ZNF845: variants seen among roughly 807,000 people sequenced by gnomAD.
ZNF845 encodes zinc finger protein 845.
A neutral mutation model predicts 76.1 loss-of-function variants in ZNF845; 59 were observed. The observed-to-expected ratio is 0.78, with a 90% CI of 0.63 to 0.96. ZNF845 has a LOEUF of 0.96. Ranked by LOEUF, ZNF845 falls within the 40% of genes least tolerant of loss-of-function variation. The probability of loss-of-function intolerance (pLI) is 0.00; values close to 1 mark genes in which losing one functional copy is unlikely to be tolerated. For missense variants in ZNF845, 1,045 were observed against 1,172.8 expected (o/e 0.89, Z 1.59); for synonymous variants, 361 against 386.9 (o/e 0.93, Z 0.78).
At chr19:53,335,931 G>A (rs941665582) in intron 1 of ZNF845, among the ~76,000 whole-genome samples, 3 of 151,994 alleles carry the variant, frequency 2.0e-5, no homozygotes, top group Admixed American at 1.3e-4. Context: ...ACATCAGGGC[G>A]TAGTGGCTCA....
intron 2 of ZNF845, among the ~76,000 whole-genome samples, chr19:53,344,610 T>TTATGTTATG (rs1568736743): frequency 7.7e-6 from 1 of 129,582 alleles, no homozygotes; most frequent in Admixed American, 9.2e-5. Context: ...TTTTATTTAT[T>TTATGTTATG]TTATTTTATT....
chr19:53,341,688 A>G (rs1056218363), intron 2 of ZNF845, among the ~76,000 whole-genome samples: 3 of 152,204 alleles, frequency 2.0e-5, no homozygotes, highest in African/African-American at 7.2e-5. Flanking sequence ...AATGGAAGTC[A>G]TGTATTCATG....
chr19:53,341,150 G>A lies in ZNF845; in HGVS notation c.-73-85G>A, dbSNP rs1445963375. 10 of 1,219,968 alleles carry A rather than the reference G, an allele frequency of 8.2e-6. No homozygotes were observed. In the East Asian group the frequency reaches 2.5e-4, roughly 30 times the overall value. The allele number at this position is 1,219,968 out of a possible 1,614,324, so 75.6% of individuals were successfully genotyped here. ...GCAGAGGGGACCATATTTCCTCAGG[G>A]TGAGGTCTCCTTTGTATGTTTCATT... On this transcript the variant is annotated intron_variant, in intron 1 of 3. Transcript: ENST00000458035.
At position 53,353,726 on chromosome 19, in the gene ZNF845, A is replaced by T; in HGVS notation, c.*138A>T. 2.0e-6 allele frequency: 3 copies of T among 1,518,132 alleles called. No homozygotes were observed. Among genetic ancestry groups the T allele is most frequent in the Non-Finnish European group, 2.6e-6 (3 of 1,136,012 alleles). The allele number at this position is 1,518,132 out of a possible 1,614,324, so 94.0% of individuals were successfully genotyped here. On this transcript the variant is annotated 3_prime_UTR_variant, in exon 4 of 4. Coordinates refer to ENST00000458035, the MANE Select transcript of ZNF845 (RefSeq NM_138374.3). ...GCGTGATTCACACCTGGCCCAACAA[A>T]CTAGAAGTCACACTGGAGAGAAACC...
intron 3 of ZNF845, among the ~76,000 whole-genome samples, chr19:53,348,661 G>T (rs2085312838): frequency 1.3e-5 from 2 of 151,962 alleles, no homozygotes; most frequent in Admixed American, 6.6e-5. Context: ...TGTGCAATTT[G>T]TTATATACAA....
chr19:53,334,483 GA>G lies in ZNF845; in HGVS notation c.-74+698del, dbSNP rs536341145. Among the ~76,000 whole-genome samples the G allele has an allele frequency of 1.3e-4, 20 of 151,550 alleles. No individual in the cohort carries two copies. The South Asian group carries it at 4.2e-3, about 32-fold the overall frequency. ...GGATTTGCCAAGAGAGAGCAAAAAT[GA>G]AAAAAACAAAACAAAACAAAAAACA... On this transcript the variant is annotated intron_variant, in intron 1 of 3. Coordinates refer to ENST00000458035, the MANE Select transcript of ZNF845 (RefSeq NM_138374.3).
Position 53,351,627 on chromosome 19 carries a change from A to G in ZNF845, c.952A>G (p.Lys318Glu). 6.2e-7 allele frequency: 1 copy of G among 1,613,942 alleles called. No individual in the cohort carries two copies. Among genetic ancestry groups the G allele is most frequent in the Non-Finnish European group, 8.5e-7 (1 of 1,179,922 alleles). ...TCGAAATTCAGCCCTTGTAATTCAT[A>G]AGGCAATTCATACTGGAGAGAAATC... ...FSRNSALVIH[K>E]AIHTGEKSYK... The change falls in exon 4 of 4, where the codon AAG becomes GAG. Residue 318 changes from lysine to glutamate, a missense_variant. Physicochemically the swap from Lys to Glu is moderately conservative, Grantham distance 56. Transcript: ENST00000458035.
At position 53,352,214 on chromosome 19, in the gene ZNF845, T is replaced by C. The variant is rs1195389893; in HGVS notation, c.1539T>C (p.His513=). Residue 513 remains histidine, a synonymous_variant, in exon 4 of 4, where the codon CAT becomes CAC. Transcript: ENST00000458035. ...AFSFKSNLER[H]RIIHTGEKLY... is the part of the protein sequence containing the mutation. ...GTTTCAAATCAAACCTTGAAAGACA[T>C]AGGATAATTCATACTGGAGAGAAAC... 3.1e-6 allele frequency: 5 copies of C among 1,613,670 alleles called. No individual in the cohort carries two copies. Among genetic ancestry groups the C allele is most frequent in the Non-Finnish European group, 8.5e-7 (1 of 1,179,856 alleles).
Position 53,352,726 on chromosome 19 carries a change from T to G in ZNF845, c.2051T>G (p.Leu684Arg), listed in dbSNP as rs374199412. Residue 684 changes from leucine to arginine, a missense_variant, in exon 4 of 4, where the codon CTT becomes CGT. Transcript: ENST00000458035. ...RKSYLTCHRR[L>R]HTGEKPYKCN... ...TCATACCTTACATGCCATCGTAGAC[T>G]TCATACTGGAGAGAAACCTTACAAG... 19 of 1,613,996 alleles carry G rather than the reference T, an allele frequency of 1.2e-5. No individual in the cohort carries two copies. In the African/African-American group the frequency reaches 2.5e-4, roughly 22 times the overall value.
At chr19:53,337,374 CTTTT>C (rs147513977) in intron 1 of ZNF845, among the ~76,000 whole-genome samples, 1 of 151,870 alleles carries the variant, frequency 6.6e-6, no homozygotes, top group African/African-American at 2.4e-5. Flanking sequence ...CAGAAACACT[CTTTT>C]TATTTTATTT....
At chr19:53,345,285 C>G (rs997379497) in intron 2 of ZNF845, among the ~76,000 whole-genome samples, 1 of 151,732 alleles carries the variant, frequency 6.6e-6, no homozygotes, top group Admixed American at 6.6e-5. Context: ...CACTGCACTC[C>G]GGCCTGGGTG....
rs2085368516 is a variant in ZNF845, at chr19:53,354,287, T to G, written c.*699T>G. 4.8e-6 allele frequency: 2 copies of G among 420,906 alleles called. No homozygotes were observed. Among genetic ancestry groups the G allele is most frequent in the Non-Finnish European group, 9.6e-6 (2 of 207,626 alleles). 26.1% of individuals were successfully genotyped at this position (420,906 alleles called of 1,614,324 possible). On this transcript the variant is annotated 3_prime_UTR_variant, in exon 4 of 4. Coordinates refer to ENST00000458035, the MANE Select transcript of ZNF845 (RefSeq NM_138374.3). The stretch of plus-strand genomic sequence containing the variant: ...ATGAGTATAGCAAACCATCAAGCAT[T>G]AATTGGCATTAGAGTCAATTCAGCA...
intron 1 of ZNF845, chr19:53,340,828 G>T: frequency 2.8e-6 from 1 of 360,834 alleles, no homozygotes; most frequent in Non-Finnish European, 5.0e-6. Context: ...CTCCAGCCAT[G>T]CAGGCGTCTT....
intron 2 of ZNF845, 27 bp downstream of exon 2, chr19:53,341,349 T>C: frequency 1.9e-6 from 3 of 1,613,656 alleles, no homozygotes; most frequent in Non-Finnish European, 2.5e-6. Flanking sequence ...GGTGGATTGT[T>C]CTGTCTCCTT....
intron 1 of ZNF845, chr19:53,340,803 TCCTC>T: frequency 1.2e-5 from 4 of 347,600 alleles, no homozygotes; most frequent in Non-Finnish European, 1.5e-5. Flanking sequence ...TCCCGTGTCC[TCCTC>T]CCTCCCTCTG....
At chr19:53,340,863 C>T (rs1439844228) in intron 1 of ZNF845, 4 of 371,588 alleles carry the variant, frequency 1.1e-5, no homozygotes, top group Admixed American at 4.3e-5. Context: ...CGAGGTTGCT[C>T]CTGCCTCAAG....
In ZNF845 at chr19:53,352,437, T is replaced by G. The variant is rs778112943; in HGVS notation, c.1762T>G (p.Phe588Val). The G allele has an allele frequency of 1.2e-6, 2 of 1,613,894 alleles. No individual in the cohort carries two copies. The highest frequency in any genetic ancestry group is 2.2e-5 in the South Asian group (2 of 91,068). Residue 588 changes from phenylalanine to valine, a missense_variant, in exon 4 of 4, where the codon TTT (phenylalanine) becomes GTT (valine). Physicochemically the swap from Phe to Val is conservative, Grantham distance 50. Coordinates refer to ENST00000458035, the MANE Select transcript of ZNF845 (RefSeq NM_138374.3). The stretch of plus-strand genomic sequence containing the variant: ...CAAATGTAATGATTGTCACCAAGTC[T>G]TTAGTAATGCTACAACCATTGCAAA... ...LYKCNDCHQV[F>V]SNATTIANHW...
At chr19:53,343,330 T>C (rs2085270327) in intron 2 of ZNF845, among the ~76,000 whole-genome samples, 2 of 152,234 alleles carry the variant, frequency 1.3e-5, no homozygotes, top group South Asian at 4.1e-4. Flanking sequence ...GGATGACCTG[T>C]GTGTTCTTTG....
chr19:53,345,140 A>G (rs1381778273), intron 2 of ZNF845, among the ~76,000 whole-genome samples: 1 of 151,538 alleles, frequency 6.6e-6, no homozygotes, highest in South Asian at 2.1e-4. Flanking sequence ...ATATGGTGAA[A>G]CTCCGTCTCT....
Sources: gnomAD v4.1 joint callset for allele counts (sites outside exome capture counted in the v4.1 genomes callset) on GRCh38, gnomAD v4.1.1 for gene constraint, MANE v1.5 for transcripts, NCBI Gene and HGNC (gene_info 2026-07-23, HGNC 2026-07-21) for gene names.